The following VPS35 variants were observed in gnomAD, a reference collection of about 807,000 sequenced individuals.
VPS35 encodes the protein vacuolar protein sorting-associated protein 35.
VPS35 carries 21 observed loss-of-function variants against 98.1 expected under a neutral mutation model. That is an observed-to-expected ratio of 0.21 (90% CI 0.15 to 0.31). VPS35 has a LOEUF of 0.31. VPS35 is among the 10% of genes least tolerant of loss of function. The probability of loss-of-function intolerance (pLI) is 1.00; values close to 1 mark genes in which losing one functional copy is unlikely to be tolerated. For missense variants in VPS35, 554 were observed against 950.8 expected (o/e 0.58, Z 5.49); for synonymous variants, 268 against 318.2 (o/e 0.84, Z 1.68).
In VPS35 at chr16:46,689,114, GC is replaced by G; in HGVS notation, c.3+16del. The G allele has an allele frequency of 8.7e-6, 14 of 1,608,128 alleles. No individual in the cohort carries two copies. Among genetic ancestry groups the G allele is most frequent in the African/African-American group, 1.3e-5 (1 of 74,978 alleles). ...AAGGAGGGTCGACCCAGGTGCCACT[GC>G]CCCCTCAGCACTCACCATGGCGACT... On this transcript the variant is annotated intron_variant, in intron 1 of 16. Coordinates refer to ENST00000299138, the MANE Select transcript of VPS35 (RefSeq NM_018206.6).
rs1005181399 is a variant in VPS35, at chr16:46,657,727, C to T, written c.*2745G>A. ...TCTGGACTCTAAGAATCACTGGTTT[C>T]CTGGGTAGAGGCAGGAAAGGGAGGG... On this transcript the variant is annotated 3_prime_UTR_variant, in exon 17 of 17. Transcript: ENST00000299138. 3 of 152,140 alleles carry T rather than the reference C, an allele frequency of 2.0e-5. No homozygotes were observed. The highest frequency in any genetic ancestry group is 7.2e-5 in the African/African-American group (3 of 41,424). The allele number at this position is 152,140 out of a possible 1,614,324, so 9.4% of individuals were successfully genotyped here.
At chr16:46,662,860 G>A in intron 14 of VPS35, 123 bp downstream of exon 14, 4 of 1,053,828 alleles carry the variant, frequency 3.8e-6, no homozygotes, top group Non-Finnish European at 5.8e-6. Context: ...ATGATGGTGG[G>A]AAGGTGGTAG....
At chr16:46,663,245 CT>C (rs1316612957) in intron 13 of VPS35, 83 bp from the exon 14 acceptor site, 1 of 1,290,976 alleles carries the variant, frequency 7.7e-7, no homozygotes, top group East Asian at 2.5e-5. Context: ...GAACAAAATA[CT>C]GTAAGTTGTG....
At chr16:46,667,833 T>C (rs779139904) in intron 13 of VPS35, among the ~76,000 whole-genome samples, 1 of 152,230 alleles carries the variant, frequency 6.6e-6, no homozygotes, top group Non-Finnish European at 1.5e-5. Flanking sequence ...TTATTGCATA[T>C]GTGTGGGTTT....
chr16:46,668,848 T>C, intron 13 of VPS35, 82 bp downstream of exon 13: 11 of 1,564,146 alleles, frequency 7.0e-6, no homozygotes, highest in Non-Finnish European at 9.5e-6. Context: ...TTTGAAATTT[T>C]TTATAATATA....
intron 1 of VPS35, among the ~76,000 whole-genome samples, chr16:46,686,498 A>C (rs1966317619): frequency 6.6e-6 from 1 of 152,242 alleles, no homozygotes; most frequent in African/African-American, 2.4e-5. Context: ...TAGAAATGTA[A>C]ATACAAAATG....
chr16:46,683,742 T>C, intron 1 of VPS35, 136 bp from the exon 2 acceptor site: 1 of 884,130 alleles, frequency 1.1e-6, no homozygotes, highest in Non-Finnish European at 1.8e-6. Context: ...ATTTTTTTTT[T>C]GAGACGGAGT....
intron 4 of VPS35, 101 bp downstream of exon 4, chr16:46,681,275 AG>A (rs1966230636): frequency 6.6e-7 from 1 of 1,504,506 alleles, no homozygotes; most frequent in African/African-American, 1.4e-5. Flanking sequence ...CAATTTGTTA[AG>A]AAGTTACCCT....
At chr16:46,669,804 A>G (rs1389863842) in intron 12 of VPS35, among the ~76,000 whole-genome samples, 1 of 152,212 alleles carries the variant, frequency 6.6e-6, no homozygotes, top group Admixed American at 6.5e-5. Flanking sequence ...CTTAGCCACA[A>G]GTTTCTATAA....
At chr16:46,684,355 G>A (rs1430950642) in intron 1 of VPS35, among the ~76,000 whole-genome samples, 3 of 152,164 alleles carry the variant, frequency 2.0e-5, no homozygotes, top group African/African-American at 7.2e-5. Context: ...TAGTTTACGA[G>A]AACAGTGACC....
At chr16:46,666,221 G>A (rs1040025942) in intron 13 of VPS35, among the ~76,000 whole-genome samples, 2 of 151,388 alleles carry the variant, frequency 1.3e-5, no homozygotes, top group Non-Finnish European at 2.9e-5. Flanking sequence ...AGCCTCTTGA[G>A]TAGCTAGGAC....
chr16:46,660,797 T>A, intron 16 of VPS35, 146 bp from the exon 17 acceptor site: 1 of 645,970 alleles, frequency 1.5e-6, no homozygotes, highest in Non-Finnish European at 2.7e-6. Context: ...ATACAATTCC[T>A]AGTTTGAACA....
At chr16:46,683,732 A>ATTT in intron 1 of VPS35, 126 bp from the exon 2 acceptor site, 1 of 960,042 alleles carries the variant, frequency 1.0e-6, no homozygotes, top group Non-Finnish European at 1.6e-6. Context: ...CATTTACCAA[A>ATTT]TTTTTTTTTT....
chr16:46,663,611 G>C (rs1965944946), intron 13 of VPS35, among the ~76,000 whole-genome samples: 2 of 152,090 alleles, frequency 1.3e-5, no homozygotes, highest in African/African-American at 2.4e-5. Context: ...AAGTTGGCCA[G>C]GCTGGTAACT....
intron 12 of VPS35, among the ~76,000 whole-genome samples, chr16:46,670,442 C>T (rs1423132581): frequency 1.3e-5 from 2 of 152,232 alleles, no homozygotes; most frequent in Non-Finnish European, 2.9e-5. Flanking sequence ...CACCACCACG[C>T]CCAGCTAATT....
intron 13 of VPS35, among the ~76,000 whole-genome samples, chr16:46,666,933 G>A (rs1965998808): frequency 6.6e-6 from 1 of 152,196 alleles, no homozygotes; most frequent in Admixed American, 6.5e-5. Flanking sequence ...AAACATGGGA[G>A]TGCAGATATC....
At chr16:46,671,684 A>G (rs1438376611) in intron 12 of VPS35, 21 bp downstream of exon 12, 1 of 1,614,046 alleles carries the variant, frequency 6.2e-7, no homozygotes, top group South Asian at 1.1e-5. Context: ...ATACAGGGAT[A>G]TACTAAGGGT....
At chr16:46,662,087 A>G in intron 15 of VPS35, 156 bp downstream of exon 15, 5 of 1,391,152 alleles carry the variant, frequency 3.6e-6, no homozygotes, top group Non-Finnish European at 5.0e-6. Flanking sequence ...CAGAGGCTTC[A>G]CTACAGGATG....
At chr16:46,688,639 C>A in intron 1 of VPS35, 1 of 1,018,332 alleles carries the variant, frequency 9.8e-7, no homozygotes, top group Non-Finnish European at 1.2e-6. Context: ...CCAAGAAAGG[C>A]CAAGGAATCA....
Sources: allele counts gnomAD v4.1 joint callset (sites outside exome capture counted in the v4.1 genomes callset), GRCh38; gene constraint gnomAD v4.1.1; transcripts MANE v1.5; gene names NCBI Gene and HGNC (gene_info 2026-07-23, HGNC 2026-07-21).